FAM133A: variants seen among roughly 807,000 people sequenced by gnomAD.
FAM133A encodes the protein family with sequence similarity 133 member A.
For synonymous variants in FAM133A, 65 were observed against 58.6 expected (o/e 1.11, Z -0.50); for missense variants, 159 against 164.4 (o/e 0.97, Z 0.18).
chrX:93,683,749 A>G (rs977131468), intron 2 of FAM133A, among the ~76,000 whole-genome samples: 2 of 111,609 alleles, frequency 1.8e-5, no homozygotes, highest in Non-Finnish European at 3.8e-5. Flanking sequence ...TTTGATTTGC[A>G]TATCCCTGAT....
intron 2 of FAM133A, among the ~76,000 whole-genome samples, chrX:93,685,412 G>A (rs1194401711): frequency 1.8e-5 from 2 of 111,187 alleles, no homozygotes; most frequent in East Asian, 5.7e-4. Context: ...AATATTGCTC[G>A]ATCATAAAAT....
intron 3 of FAM133A, among the ~76,000 whole-genome samples, chrX:93,700,820 C>G (rs1926643030): frequency 9.0e-6 from 1 of 111,390 alleles, no homozygotes; most frequent in Admixed American, 9.6e-5. Flanking sequence ...ATATTTACAT[C>G]AAATTCTCTG....
intron 2 of FAM133A, among the ~76,000 whole-genome samples, chrX:93,684,364 C>T (rs928017907): frequency 9.0e-6 from 1 of 111,658 alleles, no homozygotes; most frequent in Non-Finnish European, 1.9e-5. Context: ...GAACTACGTG[C>T]CTCTTTTTAT....
At position 93,689,086 on chromosome X, in the gene FAM133A, G is replaced by A. The variant is rs185886248; in HGVS notation, c.-192-9311G>A. ...TTTTTTTATGAGACAAAGTCTCCGC[G>A]GCTGGAGTGCGATGGCGTGATCTCG... On this transcript the variant is annotated intron_variant, in intron 2 of 3. Coordinates refer to ENST00000683942, the MANE Select transcript of FAM133A (RefSeq NM_001171109.2). Among the ~76,000 whole-genome samples the A allele has an allele frequency of 1.2e-4, 13 of 108,033 alleles. No homozygotes were observed. In the East Asian group the frequency reaches 2.3e-3, roughly 19 times the overall value. The allele number at this position is 108,033 out of a possible 115,157, so 93.8% of individuals were successfully genotyped here.
intron 2 of FAM133A, among the ~76,000 whole-genome samples, chrX:93,694,784 C>T (rs1469551200): frequency 9.0e-6 from 1 of 110,814 alleles, no homozygotes; most frequent in African/African-American, 3.3e-5. Context: ...AAAAAATCTA[C>T]TGACTCTCTT....
In FAM133A at chrX:93,674,664, G is replaced by T. The variant is rs1295972207; in HGVS notation, c.-264-17G>T. 1.8e-5 allele frequency: 2 copies of T among 111,211 alleles called. No homozygotes were observed. Among genetic ancestry groups the T allele is most frequent in the African/African-American group, 3.3e-5 (1 of 30,512 alleles). 9.2% of individuals were successfully genotyped at this position (111,211 alleles called of 1,213,427 possible). ...AAATGAAGTTTAAAAACGAGTATTT[G>T]TTATTTTTATTTACAGGATTTTTTT... On this transcript the variant is annotated splice_polypyrimidine_tract_variant and intron_variant, in intron 1 of 3. Transcript: ENST00000683942.
At chrX:93,684,105 A>AT (rs1277031234) in intron 2 of FAM133A, among the ~76,000 whole-genome samples, 1 of 111,503 alleles carries the variant, frequency 9.0e-6, no homozygotes, top group Non-Finnish European at 1.9e-5. Context: ...CATTTACTCT[A>AT]TGTTTTCTTC....
At chrX:93,702,250 G>A (rs371777450) in intron 3 of FAM133A, among the ~76,000 whole-genome samples, 1 of 110,940 alleles carries the variant, frequency 9.0e-6, no homozygotes, top group African/African-American at 3.3e-5. Flanking sequence ...GGGCTCTGTA[G>A]AAATAGCTGA....
At chrX:93,701,319 C>G (rs1281186537) in intron 3 of FAM133A, among the ~76,000 whole-genome samples, 1 of 111,598 alleles carries the variant, frequency 9.0e-6, no homozygotes, top group Non-Finnish European at 1.9e-5. Context: ...CTGAACAACA[C>G]TGGCTTAATA....
rs201827022 is a variant in FAM133A at position 93,705,883 on chromosome X, T to TA, written c.-103-3425dup. On this transcript the variant is annotated intron_variant, in intron 3 of 3. Transcript: ENST00000683942. ...TGAATATGCTCAAGTTTCTTTCATG[T>TA]AAAAAAAAACACAAAAGAATTTTAA... Among the ~76,000 whole-genome samples the TA allele has an allele frequency of 4.1e-3, 451 of 110,217 alleles. 5 individuals carry two copies. The highest frequency in any genetic ancestry group is 0.014 in the African/African-American group (426 of 30,486).
At chrX:93,685,927 G>A (rs1393574224) in intron 2 of FAM133A, among the ~76,000 whole-genome samples, 3 of 109,762 alleles carry the variant, frequency 2.7e-5, no homozygotes, top group Admixed American at 9.8e-5. Flanking sequence ...TGGCCAACAT[G>A]GTGAAACCTG....
chrX:93,702,997 T>C (rs1331299230), intron 3 of FAM133A, among the ~76,000 whole-genome samples: 1 of 109,954 alleles, frequency 9.1e-6, no homozygotes. Flanking sequence ...TGATCAGCCG[T>C]GGTGACATGG....
intron 2 of FAM133A, among the ~76,000 whole-genome samples, chrX:93,679,952 T>TTTTTTTTA (rs1925011938): frequency 1.8e-5 from 1 of 55,757 alleles, no homozygotes; most frequent in African/African-American, 6.0e-5. Flanking sequence ...TTTTTTTTTT[T>TTTTTTTTA]TTTTTTAGTA....
intron 2 of FAM133A, among the ~76,000 whole-genome samples, chrX:93,697,041 A>G (rs1926339579): frequency 9.1e-6 from 1 of 109,657 alleles, no homozygotes; most frequent in South Asian, 3.9e-4. Flanking sequence ...TTCTAATTTT[A>G]ATGTGTATAA....
At chrX:93,681,026 C>A (rs1208256404) in intron 2 of FAM133A, among the ~76,000 whole-genome samples, 1 of 111,079 alleles carries the variant, frequency 9.0e-6, no homozygotes, top group African/African-American at 3.3e-5. Flanking sequence ...AAATGTAAAA[C>A]CACATCACGG....
At position 93,711,362 on chromosome X, in the gene FAM133A, G is replaced by A. The variant is rs954373949; in HGVS notation, c.*1196G>A. On this transcript the variant is annotated 3_prime_UTR_variant, in exon 4 of 4. Transcript: ENST00000683942. The stretch of plus-strand genomic sequence containing the variant: ...TATTGAATTTATATAGAAGTTAAAT[G>A]TAGATGATAATGACATCATTGATCT... 1 of 122,593 alleles carries A rather than the reference G, an allele frequency of 8.2e-6. No homozygotes were observed. Among genetic ancestry groups the A allele is most frequent in the Non-Finnish European group, 1.9e-5 (1 of 53,083 alleles). The allele number at this position is 122,593 out of a possible 1,213,427, so 10.1% of individuals were successfully genotyped here.
chrX:93,678,739 G>T (rs1365293729), intron 2 of FAM133A, among the ~76,000 whole-genome samples: 1 of 112,036 alleles, frequency 8.9e-6, no homozygotes, highest in African/African-American at 3.2e-5. Flanking sequence ...CCACTGATTT[G>T]CCTTTGCACA....
At position 93,709,794 on chromosome X, in the gene FAM133A, G is replaced by T. The variant is rs763591416; in HGVS notation, c.375G>T (p.Lys125Asn). The change falls in exon 4 of 4, where the codon AAG (lysine) becomes AAT (asparagine). Residue 125 changes from lysine (K) to asparagine (N), a missense_variant. Lys to Asn is a moderately conservative substitution (Grantham distance 94). Transcript: ENST00000683942. The stretch of plus-strand genomic sequence containing the variant: ...CTTCAGATTCTGAGGATGAGGAAAA[G>T]AAACAAGGAAAAAGGAGAAAGAAAA... ...SSSSDSEDEE[K>N]KQGKRRKKKK... 8.4e-7 allele frequency: 1 copy of T among 1,191,005 alleles called. No individual in the cohort carries two copies. Among genetic ancestry groups the T allele is most frequent in the African/African-American group, 1.8e-5 (1 of 56,505 alleles).
chrX:93,683,887 A>G (rs1415326136), intron 2 of FAM133A, among the ~76,000 whole-genome samples: 1 of 110,582 alleles, frequency 9.0e-6, no homozygotes, highest in Middle Eastern at 4.2e-3. Context: ...AGTTCTTTGT[A>G]TATTCTGGAT....
Sources: gnomAD v4.1 joint callset for allele counts (sites outside exome capture counted in the v4.1 genomes callset) on GRCh38, gnomAD v4.1.1 for gene constraint, MANE v1.5 for transcripts, NCBI Gene and HGNC (gene_info 2026-07-23, HGNC 2026-07-21) for gene names.